DGKB: variants seen among roughly 807,000 people sequenced by gnomAD.
DGKB encodes the protein 90 kDa diacylglycerol kinase.
In DGKB, 67 loss-of-function variants were observed where a neutral mutation model predicts 114.3. The observed-to-expected ratio is 0.59, with a 90% confidence interval of 0.48 to 0.72. The LOEUF is 0.72. DGKB is among the 30% of genes least tolerant of loss of function. The pLI, the probability that DGKB is intolerant of heterozygous loss-of-function variation, is 0.00. For missense variants in DGKB, 907 were observed against 975.2 expected (o/e 0.93, Z 0.93); for synonymous variants, 398 against 323.1 (o/e 1.23, Z -2.49).
chr7:14,852,069 T>C (rs1035792895), intron 1 of DGKB, among the ~76,000 whole-genome samples: 1 of 152,166 alleles, frequency 6.6e-6, no homozygotes, highest in Non-Finnish European at 1.5e-5. Context: ...GCACTAATTA[T>C]TGGTAGTTGG....
intron 2 of DGKB, among the ~76,000 whole-genome samples, chr7:14,827,318 A>C (rs1845831972): frequency 1.3e-5 from 2 of 152,162 alleles, no homozygotes; most frequent in Admixed American, 1.3e-4. Flanking sequence ...GAATGGTCAC[A>C]CCTGAATCCA....
intron 13 of DGKB, among the ~76,000 whole-genome samples, chr7:14,635,104 G>A (rs1810481553): frequency 2.0e-5 from 3 of 151,100 alleles, no homozygotes; most frequent in Admixed American, 1.3e-4. Context: ...TCTTATCCAG[G>A]GTCCCTTGAC....
chr7:14,209,400 C>A, intron 23 of DGKB: 1 of 468,328 alleles, frequency 2.1e-6, no homozygotes. Context: ...AAAACAAGAT[C>A]AAAACATTTG....
intron 23 of DGKB, among the ~76,000 whole-genome samples, chr7:14,179,104 C>A (rs1782248921): frequency 6.6e-6 from 1 of 152,126 alleles, no homozygotes; most frequent in Admixed American, 6.5e-5. Context: ...ACAGAATTTA[C>A]AACGTTTTAG....
intron 2 of DGKB, among the ~76,000 whole-genome samples, chr7:14,804,507 T>A (rs918805640): frequency 6.6e-6 from 1 of 152,106 alleles, no homozygotes; most frequent in Non-Finnish European, 1.5e-5. Context: ...CATGCATGTC[T>A]GTCTTTCCAG....
At chr7:14,828,922 C>G (rs1846056779) in intron 2 of DGKB, among the ~76,000 whole-genome samples, 2 of 152,034 alleles carry the variant, frequency 1.3e-5, no homozygotes, top group South Asian at 2.1e-4. Context: ...CAGAGGAGAT[C>G]AGAGAAGTGA....
At chr7:14,220,305 T>C (rs556303244) in intron 23 of DGKB, among the ~76,000 whole-genome samples, 1 of 151,712 alleles carries the variant, frequency 6.6e-6, no homozygotes, top group East Asian at 1.9e-4. Flanking sequence ...AACGACTGTA[T>C]AGCACGAAAT....
intron 1 of DGKB, among the ~76,000 whole-genome samples, chr7:14,970,610 T>G (rs1004785697): frequency 1.1e-4 from 17 of 152,082 alleles, no homozygotes; most frequent in African/African-American, 4.1e-4. Flanking sequence ...ATCCTCAGAA[T>G]GCTCCCGTGT....
At chr7:14,313,820 CT>C (rs1160821755) in intron 23 of DGKB, among the ~76,000 whole-genome samples, 1 of 152,208 alleles carries the variant, frequency 6.6e-6, no homozygotes, top group Non-Finnish European at 1.5e-5. Context: ...GGCTCCACCT[CT>C]GGGGGCAGGG....
chr7:14,604,801 C>T (rs1804182728), intron 17 of DGKB, among the ~76,000 whole-genome samples: 1 of 152,008 alleles, frequency 6.6e-6, no homozygotes, highest in African/African-American at 2.4e-5. Context: ...AACATCATAG[C>T]CTGGCCAGAG....
At chr7:14,453,031 A>C (rs1195045705) in intron 21 of DGKB, among the ~76,000 whole-genome samples, 1 of 152,172 alleles carries the variant, frequency 6.6e-6, no homozygotes, top group Non-Finnish European at 1.5e-5. Context: ...ATGCGTGTGC[A>C]TGGAAATGGA....
intron 20 of DGKB, among the ~76,000 whole-genome samples, chr7:14,530,068 TTTGA>T (rs1204908177): frequency 6.6e-6 from 1 of 151,696 alleles, no homozygotes; most frequent in African/African-American, 2.4e-5. Context: ...AAGTATTTCC[TTTGA>T]TTGAGAGCTC....
chr7:14,499,828 A>G (rs1271709575), intron 20 of DGKB, among the ~76,000 whole-genome samples: 2 of 149,668 alleles, frequency 1.3e-5, no homozygotes, highest in East Asian at 4.2e-4. Context: ...AGTAAGATAA[A>G]GGAAAGAATG....
chr7:14,154,993 T>C (rs968021714), intron 25 of DGKB, among the ~76,000 whole-genome samples: 1 of 152,080 alleles, frequency 6.6e-6, no homozygotes, highest in African/African-American at 2.4e-5. Flanking sequence ...ACTGACATCA[T>C]TGTTAGAAAT....
At chr7:14,680,835 T>G (rs1820701006) in intron 12 of DGKB, among the ~76,000 whole-genome samples, 1 of 152,006 alleles carries the variant, frequency 6.6e-6, no homozygotes, top group South Asian at 2.1e-4. Flanking sequence ...TGCATGTTTT[T>G]AGAGGGTTCA....
rs535821808 is a variant in DGKB, at chr7:14,307,439, G to A, written c.2122+31076C>T. Among the ~76,000 whole-genome samples, 175 of 152,204 alleles carry A rather than the reference G, an allele frequency of 1.1e-3. 3 individuals are homozygous for A. The highest frequency in any genetic ancestry group is 4.1e-3 in the African/African-American group (172 of 41,566). ...TATGACTAAGCATATTAATTGAATA[G>A]CGTTAAATAACAGTAAAGGTTAAAG... is the stretch of plus-strand genomic sequence containing the variant. On this transcript the variant is annotated intron_variant, in intron 23 of 25. Transcript: ENST00000402815.
chr7:14,427,184 A>G (rs372952281), intron 21 of DGKB, among the ~76,000 whole-genome samples: 1 of 152,212 alleles, frequency 6.6e-6, no homozygotes, highest in East Asian at 1.9e-4. Flanking sequence ...GCAGCAAACC[A>G]CCATGGCACA....
intron 21 of DGKB, among the ~76,000 whole-genome samples, chr7:14,348,519 AACG>A (rs1426000655): frequency 6.6e-6 from 1 of 152,054 alleles, no homozygotes; most frequent in Non-Finnish European, 1.5e-5. Context: ...AAAGATGCTC[AACG>A]ACATTAGCGT....
At chr7:14,231,013 C>G (rs1479348861) in intron 23 of DGKB, among the ~76,000 whole-genome samples, 1 of 152,036 alleles carries the variant, frequency 6.6e-6, no homozygotes, top group Non-Finnish European at 1.5e-5. Flanking sequence ...GGCTAAGTCC[C>G]TAAGTCTCTG....
Sources: allele counts gnomAD v4.1 joint callset (sites outside exome capture counted in the v4.1 genomes callset), GRCh38; gene constraint gnomAD v4.1.1; transcripts MANE v1.5; gene names NCBI Gene and HGNC (gene_info 2026-07-23, HGNC 2026-07-21).